Variants in CNTNAP2 observed in about 807,000 individuals in gnomAD.
CNTNAP2 encodes the protein contactin-associated protein-like 2.
A neutral mutation model predicts 155.2 loss-of-function variants in CNTNAP2; 98 were observed. That is an observed-to-expected ratio of 0.63 (90% CI 0.54 to 0.75). The LOEUF is 0.75. CNTNAP2 is among the 30% of genes least tolerant of loss of function. CNTNAP2 has a pLI of 0.00. For synonymous variants in CNTNAP2, 651 were observed against 631.2 expected (o/e 1.03, Z -0.47); for missense variants, 1,727 against 1,688.1 (o/e 1.02, Z -0.40).
intron 1 of CNTNAP2, among the ~76,000 whole-genome samples, chr7:146,171,714 A>C (rs2116820191): frequency 6.6e-6 from 1 of 152,266 alleles, no homozygotes; most frequent in South Asian, 2.1e-4. Flanking sequence ...TGTTTTCTTA[A>C]ATGCTCTGGA....
intron 1 of CNTNAP2, among the ~76,000 whole-genome samples, chr7:146,246,218 T>C (rs1449536643): frequency 1.3e-5 from 2 of 150,764 alleles, no homozygotes; most frequent in Admixed American, 6.6e-5. Context: ...AGAAGTATCT[T>C]ATACTTGTGG....
intron 3 of CNTNAP2, among the ~76,000 whole-genome samples, chr7:147,003,867 A>G (rs1029764455): frequency 4.6e-5 from 7 of 151,874 alleles, no homozygotes; most frequent in Admixed American, 1.3e-4. Context: ...CATATTTACA[A>G]ATAATTTTTT....
intron 1 of CNTNAP2, among the ~76,000 whole-genome samples, chr7:146,611,810 C>A (rs904647546): frequency 6.6e-6 from 1 of 152,150 alleles, no homozygotes; most frequent in African/African-American, 2.4e-5. Flanking sequence ...TTCAGACTAT[C>A]TTGATATTCA....
chr7:148,415,720 T>G lies in CNTNAP2; in HGVS notation c.*104T>G. On this transcript the variant is annotated 3_prime_UTR_variant, in exon 24 of 24. Coordinates refer to ENST00000361727, the MANE Select transcript of CNTNAP2 (RefSeq NM_014141.6). ...TACTCTTGAGCACATCCTTAAAATA[T>G]CAGCACAAGTTGGGGGAGGCAGGCA... is the stretch of plus-strand genomic sequence containing the variant. 3 of 1,310,248 alleles carry G rather than the reference T, an allele frequency of 2.3e-6. No individual in the cohort carries two copies. The highest frequency in any genetic ancestry group is 2.5e-5 in the South Asian group (2 of 80,138). 81.2% of individuals were successfully genotyped at this position (1,310,248 alleles called of 1,614,324 possible). A position where few individuals can be genotyped will look rare whatever the true frequency, so the allele number is the denominator to read the frequency against.
intron 15 of CNTNAP2, among the ~76,000 whole-genome samples, chr7:148,106,493 G>GATAGATAGATAGATATATAGATATATAT (rs1490418389): frequency 8.0e-6 from 1 of 124,926 alleles, no homozygotes; most frequent in African/African-American, 3.5e-5. Flanking sequence ...CACACTTTGA[G>GATAGATAGATAGATATATAGATATATAT]ATATATATAT....
chr7:147,030,985 A>G lies in CNTNAP2; in HGVS notation c.403-12922A>G, dbSNP rs556398837. Among the ~76,000 whole-genome samples the G allele has an allele frequency of 5.9e-5, 9 of 152,316 alleles. No individual in the cohort carries two copies. The South Asian group carries it at 1.9e-3, about 32-fold the overall frequency. On this transcript the variant is annotated intron_variant, in intron 3 of 23. Transcript: ENST00000361727. ...GTCTACTCTTCTGTCAAATTTTGGT[A>G]ATATAATTTGACTCTTCACTTGGAA...
At chr7:147,583,841 A>T (rs1800565184) in intron 12 of CNTNAP2, among the ~76,000 whole-genome samples, 1 of 152,090 alleles carries the variant, frequency 6.6e-6, no homozygotes, top group Admixed American at 6.6e-5. Context: ...CATCTCTGAA[A>T]TCAGCATGTG....
At chr7:146,439,395 C>A (rs1443172616) in intron 1 of CNTNAP2, among the ~76,000 whole-genome samples, 3 of 151,462 alleles carry the variant, frequency 2.0e-5, no homozygotes, top group Non-Finnish European at 4.4e-5. Context: ...CAGTAGCTGG[C>A]CTTCTTTTTT....
chr7:147,664,882 T>C (rs1795669959), intron 13 of CNTNAP2, among the ~76,000 whole-genome samples: 1 of 152,202 alleles, frequency 6.6e-6, no homozygotes, highest in Non-Finnish European at 1.5e-5. Flanking sequence ...TACACTGCAA[T>C]GCCCTTGTAA....
intron 21 of CNTNAP2, among the ~76,000 whole-genome samples, chr7:148,316,099 A>C (rs974894319): frequency 6.6e-6 from 1 of 152,204 alleles, no homozygotes; most frequent in Non-Finnish European, 1.5e-5. Flanking sequence ...TGGCAAGAAC[A>C]TGGCAGGAAC....
intron 2 of CNTNAP2, 91 bp downstream of exon 2, chr7:146,774,472 A>G: frequency 1.1e-6 from 1 of 905,980 alleles, no homozygotes; most frequent in Non-Finnish European, 1.7e-6. Context: ...CACACAACAG[A>G]TGTTGGCAGA....
At chr7:147,795,920 G>A (rs1341377013) in intron 13 of CNTNAP2, among the ~76,000 whole-genome samples, 2 of 152,034 alleles carry the variant, frequency 1.3e-5, no homozygotes, top group Non-Finnish European at 2.9e-5. Context: ...CATAAGCCAG[G>A]CAGAGTTAGG....
chr7:148,332,165 C>CAA (rs200974074), intron 21 of CNTNAP2, among the ~76,000 whole-genome samples: 6 of 120,648 alleles, frequency 5.0e-5, no homozygotes, highest in East Asian at 2.3e-4. Flanking sequence ...ACTGAGCGGA[C>CAA]AAAAAAAAAA....
chr7:146,774,742 T>TA (rs1052860676), intron 2 of CNTNAP2, among the ~76,000 whole-genome samples: 2 of 152,106 alleles, frequency 1.3e-5, no homozygotes, highest in Non-Finnish European at 2.9e-5. Context: ...TACGGTGTAT[T>TA]AAAAAAAGCA....
intron 10 of CNTNAP2, among the ~76,000 whole-genome samples, chr7:147,434,104 A>T (rs1213798752): frequency 6.6e-6 from 1 of 152,220 alleles, no homozygotes; most frequent in East Asian, 1.9e-4. Flanking sequence ...AGAACTGAGC[A>T]TAGAAAGTGA....
rs1006188681 is a variant in CNTNAP2 at position 146,335,055 on chromosome 7, A to G, written c.97+218082A>G. Among the ~76,000 whole-genome samples the G allele has an allele frequency of 2.0e-5, 3 of 152,156 alleles. No individual in the cohort carries two copies. The East Asian group carries it at 5.8e-4, about 29-fold the overall frequency. On this transcript the variant is annotated intron_variant, in intron 1 of 23. Transcript: ENST00000361727. ...AAACTGTGAAGTCAGAGCTTATTAC[A>G]TTTTTATCTTTGCATCCCTAGTACC...
At position 147,300,240 on chromosome 7, in the gene CNTNAP2, G is replaced by A. The variant is rs777884519; in HGVS notation, c.1448G>A (p.Arg483Gln). The change falls in exon 9 of 24, where the codon CGA (arginine) becomes CAA (glutamine). Residue 483 changes from arginine (R) to glutamine (Q), a missense_variant. Coordinates refer to ENST00000361727, the MANE Select transcript of CNTNAP2 (RefSeq NM_014141.6). ...TIDGDEASAV[R>Q]TNSPLQVKTG... ...GATGGAGATGAAGCATCAGCAGTTC[G>A]AACTAATAGTCCCCTTCAAGTTAAA... 5.0e-6 allele frequency: 8 copies of A among 1,613,782 alleles called. No homozygotes were observed. The highest frequency in any genetic ancestry group is 4.5e-5 in the East Asian group (2 of 44,860).
intron 1 of CNTNAP2, among the ~76,000 whole-genome samples, chr7:146,611,433 GA>G (rs774125130): frequency 6.6e-6 from 1 of 151,468 alleles, no homozygotes; most frequent in African/African-American, 2.4e-5. Context: ...GTTTTAGTTG[GA>G]AAAAAAATTC....
In CNTNAP2 at chr7:147,885,212, A is replaced by T. The variant is rs189646087; in HGVS notation, c.2099-18353A>T. Among the ~76,000 whole-genome samples the T allele has an allele frequency of 2.0e-3, 297 of 152,306 alleles. 3 individuals are homozygous for T. In the South Asian group the frequency reaches 0.03, roughly 15 times the overall value. ...TCTTTCTTAATGTGTTAAATAGTAGAAAAGAAGAGGCCAGGTCAGAAAGTC... is the reference window on the plus strand; with the variant it reads ...TCTTTCTTAATGTGTTAAATAGTAGTAAAGAAGAGGCCAGGTCAGAAAGTC... On this transcript the variant is annotated intron_variant, in intron 13 of 23. Transcript: ENST00000361727.
Sources: allele counts gnomAD v4.1 joint callset (sites outside exome capture counted in the v4.1 genomes callset), GRCh38; gene constraint gnomAD v4.1.1; transcripts MANE v1.5; gene names NCBI Gene and HGNC (gene_info 2026-07-23, HGNC 2026-07-21).